HPSE2: variants seen among roughly 807,000 people sequenced by gnomAD.
The protein encoded by HPSE2 is inactive heparanase-2.
A neutral mutation model predicts 60.5 loss-of-function variants in HPSE2; 38 were observed. The observed-to-expected ratio is 0.63, with a 90% CI of 0.48 to 0.82. The LOEUF (loss-of-function observed/expected upper bound fraction) is 0.82. Ranked by LOEUF, HPSE2 falls within the 40% of genes least tolerant of loss-of-function variation. The pLI, the probability that HPSE2 is intolerant of heterozygous loss-of-function variation, is 0.00. For synonymous variants in HPSE2, 295 were observed against 293.2 expected, an observed-to-expected ratio of 1.01 and a Z score of -0.06; for missense variants, 713 against 740.4, an observed-to-expected ratio of 0.96 and a Z score of 0.43.
rs74816453 is a variant in HPSE2 at position 99,018,995 on chromosome 10, T to C, written c.610+125243A>G. On this transcript the variant is annotated intron_variant, in intron 3 of 11. Transcript: ENST00000370552. ...GTGCTTCCATGATGTACTAAATGCA[T>C]ACTCAACATATGCAAAAGCTTTAAG... Among the ~76,000 whole-genome samples the C allele has an allele frequency of 2.0e-5, 3 of 152,320 alleles. No homozygotes were observed. In the East Asian group the frequency reaches 5.8e-4, roughly 29 times the overall value.
At chr10:98,850,736 C>CAAAAA (rs11345838) in intron 3 of HPSE2, among the ~76,000 whole-genome samples, 3 of 71,886 alleles carry the variant, frequency 4.2e-5, no homozygotes, top group Non-Finnish European at 5.3e-5. Context: ...GACTCCATCT[C>CAAAAA]AAAAAAAAAA....
intron 3 of HPSE2, among the ~76,000 whole-genome samples, chr10:98,847,988 G>A (rs895319131): frequency 4.6e-5 from 7 of 152,318 alleles, no homozygotes; most frequent in African/African-American, 1.7e-4. Flanking sequence ...CTAGCTAGAT[G>A]TTCTCTGTGC....
chr10:99,219,952 A>C (rs1293806253), intron 2 of HPSE2, among the ~76,000 whole-genome samples: 1 of 152,212 alleles, frequency 6.6e-6, no homozygotes, highest in Non-Finnish European at 1.5e-5. Flanking sequence ...GTAATATTCA[A>C]AGAGAATCAA....
intron 3 of HPSE2, among the ~76,000 whole-genome samples, chr10:98,962,417 C>T (rs530935253): frequency 1.6e-4 from 25 of 151,670 alleles, no homozygotes; most frequent in Admixed American, 1.5e-3. Context: ...CTTTTATTTC[C>T]TTGAGCAGTG....
chr10:98,829,107 T>A (rs996121567), intron 3 of HPSE2, among the ~76,000 whole-genome samples: 3 of 152,236 alleles, frequency 2.0e-5, no homozygotes, highest in South Asian at 4.1e-4. Flanking sequence ...ATACTGATGA[T>A]TCCATTCATA....
chr10:98,743,325 C>G (rs976221721), intron 4 of HPSE2, among the ~76,000 whole-genome samples: 4 of 152,120 alleles, frequency 2.6e-5, no homozygotes, highest in African/African-American at 9.7e-5. Context: ...GCTGCACACC[C>G]TTGAAACTAG....
intron 2 of HPSE2, among the ~76,000 whole-genome samples, chr10:99,151,025 T>A (rs1393015536): frequency 6.6e-6 from 1 of 151,812 alleles, no homozygotes; most frequent in Non-Finnish European, 1.5e-5. Flanking sequence ...AAAATAAAAA[T>A]TTTTAAAACT....
chr10:98,725,520 T>G (rs1189567157), intron 4 of HPSE2, among the ~76,000 whole-genome samples: 1 of 152,100 alleles, frequency 6.6e-6, no homozygotes, highest in African/African-American at 2.4e-5. Flanking sequence ...ATGTTAGACC[T>G]AAAACCATAA....
chr10:98,939,116 A>G (rs891642064), intron 3 of HPSE2, among the ~76,000 whole-genome samples: 2 of 144,052 alleles, frequency 1.4e-5, no homozygotes, highest in African/African-American at 5.6e-5. Context: ...AACCAGTTCC[A>G]GCCACTGCAA....
intron 3 of HPSE2, among the ~76,000 whole-genome samples, chr10:98,837,031 C>T (rs929785123): frequency 6.6e-6 from 1 of 151,962 alleles, no homozygotes; most frequent in African/African-American, 2.4e-5. Flanking sequence ...GGCAACAGAG[C>T]GAGACTCTGT....
intron 2 of HPSE2, among the ~76,000 whole-genome samples, chr10:99,148,350 T>C (rs1436532659): frequency 6.6e-6 from 1 of 152,182 alleles, no homozygotes; most frequent in Admixed American, 6.5e-5. Context: ...AAGAGCACAA[T>C]AAAGAGTACC....
chr10:98,818,116 T>C (rs898427231), intron 3 of HPSE2, among the ~76,000 whole-genome samples: 8 of 152,194 alleles, frequency 5.3e-5, no homozygotes, highest in Admixed American at 1.3e-4. Context: ...AAAATCCACA[T>C]ATAAGTGGAC....
chr10:98,972,582 CTCTT>C (rs1434031109), intron 3 of HPSE2, among the ~76,000 whole-genome samples: 1 of 152,138 alleles, frequency 6.6e-6, no homozygotes, highest in Non-Finnish European at 1.5e-5. Context: ...ACACACATGG[CTCTT>C]TCTTTGAGAT....
At chr10:98,995,698 A>T (rs531234814) in intron 3 of HPSE2, among the ~76,000 whole-genome samples, 1 of 152,328 alleles carries the variant, frequency 6.6e-6, no homozygotes, top group Admixed American at 6.5e-5. Context: ...TACAACACTT[A>T]TATCTGACAA....
At chr10:98,518,826 AATATTAGCTGATGTT>A (rs781108776) in intron 9 of HPSE2, among the ~76,000 whole-genome samples, 4 of 152,190 alleles carry the variant, frequency 2.6e-5, no homozygotes, top group Admixed American at 1.3e-4. Flanking sequence ...GACACTGTGA[AATATTAGCTGATGTT>A]ATATTAATAA....
intron 2 of HPSE2, among the ~76,000 whole-genome samples, chr10:99,184,815 T>TAG (rs1847928842): frequency 6.3e-4 from 18 of 28,648 alleles, no homozygotes; most frequent in African/African-American, 1.5e-3. Flanking sequence ...TATATATATA[T>TAG]ATATAGAGAG....
chr10:98,478,762 T>C (rs1591240061), intron 11 of HPSE2, among the ~76,000 whole-genome samples: 1 of 152,358 alleles, frequency 6.6e-6, no homozygotes, highest in African/African-American at 2.4e-5. Flanking sequence ...TTCCTTCAGC[T>C]ATTCCCTGAA....
chr10:98,463,857 G>A (rs181512418), intron 11 of HPSE2, among the ~76,000 whole-genome samples: 224 of 152,270 alleles, frequency 1.5e-3, no homozygotes, highest in African/African-American at 5.2e-3. Flanking sequence ...GGTGGTTCAC[G>A]CCTGTAATCC....
intron 3 of HPSE2, among the ~76,000 whole-genome samples, chr10:98,890,747 C>A (rs1334330224): frequency 6.6e-6 from 1 of 152,108 alleles, no homozygotes; most frequent in African/African-American, 2.4e-5. Context: ...GCACCAAGCC[C>A]AGGGCATCCT....
Sources: gnomAD v4.1 joint callset for allele counts (sites outside exome capture counted in the v4.1 genomes callset) on GRCh38, gnomAD v4.1.1 for gene constraint, MANE v1.5 for transcripts, NCBI Gene and HGNC (gene_info 2026-07-23, HGNC 2026-07-21) for gene names.